The following SLC22A23 variants were observed in gnomAD, a reference collection of about 807,000 sequenced individuals.
The protein encoded by SLC22A23 is ion transporter protein.
SLC22A23 carries 26 observed loss-of-function variants against 61.0 expected under a neutral mutation model. The ratio of observed to expected loss-of-function variants is 0.43; its 90% CI spans 0.31 to 0.59. The LOEUF (loss-of-function observed/expected upper bound fraction) is 0.59, where lower values mean the gene tolerates loss of function less well. Ranked by LOEUF, SLC22A23 falls within the 20% of genes least tolerant of loss-of-function variation. The pLI is 0.11. For synonymous variants in SLC22A23, 430 were observed against 413.9 expected (o/e 1.04, Z -0.47); for missense variants, 796 against 934.7 (o/e 0.85, Z 1.94).
At chr6:3,275,861 C>T (rs555266606) in intron 9 of SLC22A23, among the ~76,000 whole-genome samples, 101 of 152,346 alleles carry the variant, frequency 6.6e-4, no homozygotes, top group African/African-American at 2.4e-3. Context: ...GGATTACAGG[C>T]GTGAGCCACC....
chr6:3,299,467 G>A (rs568707576), intron 4 of SLC22A23, among the ~76,000 whole-genome samples: 5 of 152,254 alleles, frequency 3.3e-5, no homozygotes, highest in South Asian at 4.2e-4. Context: ...ATGCCACAAC[G>A]CAGTGGTTTT....
intron 3 of SLC22A23, among the ~76,000 whole-genome samples, chr6:3,373,900 C>T (rs145198357): frequency 6.6e-6 from 1 of 152,364 alleles, no homozygotes; most frequent in Non-Finnish European, 1.5e-5. Context: ...GTGCCAGGCA[C>T]TGTCCTAAGC....
intron 3 of SLC22A23, among the ~76,000 whole-genome samples, chr6:3,340,734 C>T (rs899968453): frequency 6.6e-6 from 1 of 152,154 alleles, no homozygotes; most frequent in African/African-American, 2.4e-5. Context: ...GGGAAAAGGG[C>T]AGCCGCATGA....
In SLC22A23 at chr6:3,309,735, C is replaced by T. The variant is rs558484991; in HGVS notation, c.1083-11517G>A. Among the ~76,000 whole-genome samples the T allele has an allele frequency of 6.9e-4, 105 of 152,342 alleles. 1 individual carries two copies. Among genetic ancestry groups the T allele is most frequent in the African/African-American group, 2.3e-3 (97 of 41,580 alleles). On this transcript the variant is annotated intron_variant, in intron 4 of 9. Coordinates refer to ENST00000406686, the MANE Select transcript of SLC22A23 (RefSeq NM_015482.2). This position sits in a 1 kb window ranked among gnomAD's most constrained non-coding sequence, Gnocchi z 4.7. ...TTACACCACGGTCACACAGAAGTAC[C>T]TGCTGCCACAGGGATGGCTCTCCAA...
chr6:3,445,727 C>G (rs184131330), intron 1 of SLC22A23, among the ~76,000 whole-genome samples: 1 of 151,876 alleles, frequency 6.6e-6, no homozygotes, highest in African/African-American at 2.4e-5. Flanking sequence ...GGAAGGGGCT[C>G]GAGCAAGTGG....
intron 6 of SLC22A23, among the ~76,000 whole-genome samples, chr6:3,288,098 C>G (rs1227905586): frequency 6.6e-6 from 1 of 152,206 alleles, no homozygotes; most frequent in African/African-American, 2.4e-5. Context: ...GCCCTGAAAA[C>G]AGGAACAAAG....
intron 2 of SLC22A23, 95 bp downstream of exon 2, chr6:3,415,657 C>T: frequency 2.3e-6 from 2 of 852,724 alleles, no homozygotes; most frequent in Admixed American, 2.3e-5. Context: ...TGGGAAAAGA[C>T]AGTCATGGTA....
At chr6:3,402,465 C>A (rs1213313008) in intron 3 of SLC22A23, among the ~76,000 whole-genome samples, 6 of 151,318 alleles carry the variant, frequency 4.0e-5, no homozygotes, top group African/African-American at 1.5e-4. Context: ...CTAGCTAAGC[C>A]CTAATCACCC....
rs1251615074 is a variant in SLC22A23 at position 3,269,630 on chromosome 6, AAC to A, written c.*3423_*3424del. On this transcript the variant is annotated 3_prime_UTR_variant, in exon 10 of 10. Coordinates refer to ENST00000406686, the MANE Select transcript of SLC22A23 (RefSeq NM_015482.2). ...GAGAATTCCCACCCACACGTACAGA[AAC>A]ACAGTTTTTATATTACAACCTCAAG... 5 of 149,176 alleles carry A rather than the reference AAC, an allele frequency of 3.4e-5. No homozygotes were observed. Among genetic ancestry groups the A allele is most frequent in the East Asian group, 3.8e-4 (2 of 5,212 alleles). The allele number at this position is 149,176 out of a possible 1,614,324, so 9.2% of individuals were successfully genotyped here.
At chr6:3,408,838 C>T (rs1427386354) in intron 3 of SLC22A23, among the ~76,000 whole-genome samples, 14 of 152,222 alleles carry the variant, frequency 9.2e-5, no homozygotes. Flanking sequence ...ACTGCCCTCC[C>T]CCTGTGAGAA....
chr6:3,438,408 T>C (rs969781836), intron 1 of SLC22A23: 4 of 418,804 alleles, frequency 9.6e-6, no homozygotes, highest in African/African-American at 4.1e-5. Flanking sequence ...GACTAGATGA[T>C]CCATCAGGCT....
intron 3 of SLC22A23, among the ~76,000 whole-genome samples, chr6:3,355,169 C>T (rs577849715): frequency 9.2e-5 from 14 of 151,356 alleles, no homozygotes; most frequent in South Asian, 8.4e-4. Context: ...TCTTTGTGGC[C>T]GCCACCCTCC....
At chr6:3,434,872 T>C (rs1771105245) in intron 1 of SLC22A23, among the ~76,000 whole-genome samples, 1 of 152,148 alleles carries the variant, frequency 6.6e-6, no homozygotes, top group African/African-American at 2.4e-5. Flanking sequence ...AGAAAAGAGA[T>C]GTGAAAGTTT....
At chr6:3,442,410 A>AT (rs1039791117) in intron 1 of SLC22A23, among the ~76,000 whole-genome samples, 1 of 152,206 alleles carries the variant, frequency 6.6e-6, no homozygotes, top group Non-Finnish European at 1.5e-5. Flanking sequence ...AAAATAGTAC[A>AT]TTTTATAATT....
In SLC22A23 at chr6:3,328,657, C is replaced by T. The variant is rs113107459; in HGVS notation, c.914-4655G>A. 6.8e-3 allele frequency among the ~76,000 whole-genome samples: 1,036 copies of T among 152,226 alleles called. 10 individuals carry two copies. Among genetic ancestry groups the T allele is most frequent in the African/African-American group, 0.022 (922 of 41,532 alleles). ...GGAGGAAGAAGATTCCACCTGTGGA[C>T]GGCAGTGCCCGCCCCCATGCCCTGG... On this transcript the variant is annotated intron_variant, in intron 3 of 9. Transcript: ENST00000406686. The surrounding 1 kb of genome is among the most constrained non-coding windows in gnomAD (Gnocchi z 5.0).
At chr6:3,455,267 G>C (rs1772338187) in intron 1 of SLC22A23, among the ~76,000 whole-genome samples, 1 of 152,232 alleles carries the variant, frequency 6.6e-6, no homozygotes, top group Non-Finnish European at 1.5e-5. Context: ...GTGTAAGAGC[G>C]GTGACGGCCG....
chr6:3,441,290 A>C (rs1771578363), intron 1 of SLC22A23, among the ~76,000 whole-genome samples: 1 of 152,012 alleles, frequency 6.6e-6, no homozygotes. Context: ...TCTCTCCTGG[A>C]TCTCTCCCAT....
At chr6:3,442,773 G>A (rs1437808072) in intron 1 of SLC22A23, among the ~76,000 whole-genome samples, 2 of 151,480 alleles carry the variant, frequency 1.3e-5, no homozygotes, top group African/African-American at 4.9e-5. Flanking sequence ...TTAGCTAGTT[G>A]AATTAAATTA....
At chr6:3,374,325 C>T (rs1043039731) in intron 3 of SLC22A23, among the ~76,000 whole-genome samples, 10 of 152,164 alleles carry the variant, frequency 6.6e-5, no homozygotes, top group African/African-American at 2.2e-4. Context: ...AGCGGTCGGA[C>T]GCCAGCTGGG....
Sources: gnomAD v4.1 joint callset for allele counts (sites outside exome capture counted in the v4.1 genomes callset) on GRCh38, gnomAD v4.1.1 for gene constraint, Gnocchi (gnomAD v3.1) non-coding constraint, MANE v1.5 for transcripts, NCBI Gene and HGNC (gene_info 2026-07-23, HGNC 2026-07-21) for gene names.